The following SHISAL1 variants were observed in gnomAD, a reference collection of about 807,000 sequenced individuals.
SHISAL1 encodes shisa like 1.
SHISAL1 carries 9 observed loss-of-function variants against 22.6 expected under a neutral mutation model. The observed-to-expected ratio is 0.40, with a 90% CI of 0.24 to 0.70. The LOEUF (loss-of-function observed/expected upper bound fraction) is 0.70, where lower values mean the gene tolerates loss of function less well. SHISAL1 is among the 30% of genes least tolerant of loss of function. The probability of loss-of-function intolerance (pLI) is 0.39; values close to 1 mark genes in which losing one functional copy is unlikely to be tolerated. For missense variants in SHISAL1, 246 were observed against 270.6 expected (o/e 0.91, Z 0.64); for synonymous variants, 119 against 115.4 (o/e 1.03, Z -0.20).
intron 1 of SHISAL1, among the ~76,000 whole-genome samples, chr22:44,308,117 TCC>T (rs975692242): frequency 3.3e-5 from 5 of 152,126 alleles, no homozygotes; most frequent in Non-Finnish European, 7.4e-5. Context: ...TGTAACCACA[TCC>T]CATGTGACCT....
intron 4 of SHISAL1, among the ~76,000 whole-genome samples, chr22:44,279,234 T>C: frequency 6.6e-6 from 1 of 152,110 alleles, no homozygotes; most frequent in Non-Finnish European, 1.5e-5. Context: ...GAGCCCCAGC[T>C]GGGAAAAGAC....
At chr22:44,263,022 G>C (rs1382734464) in intron 4 of SHISAL1, among the ~76,000 whole-genome samples, 1 of 151,582 alleles carries the variant, frequency 6.6e-6, no homozygotes, top group Non-Finnish European at 1.5e-5. Flanking sequence ...AGTTGGTGCT[G>C]ACGGTATGCA....
chr22:44,276,487 A>C (rs2055240401), intron 4 of SHISAL1, among the ~76,000 whole-genome samples: 1 of 148,468 alleles, frequency 6.7e-6, no homozygotes, highest in African/African-American at 2.5e-5. Flanking sequence ...GGCTGGTGTC[A>C]GGGAGATATG....
At chr22:44,273,514 G>A (rs2055218853) in intron 4 of SHISAL1, among the ~76,000 whole-genome samples, 1 of 152,222 alleles carries the variant, frequency 6.6e-6, no homozygotes, top group Non-Finnish European at 1.5e-5. Flanking sequence ...TTGCAATAGT[G>A]GCTGTGTTTA....
the SHISAL1 span, among the ~76,000 whole-genome samples, chr22:44,327,276 A>G: frequency 1.5e-5 from 2 of 133,278 alleles, no homozygotes; most frequent in South Asian, 4.8e-4. Flanking sequence ...ACACACACAC[A>G]CACACGTGCG....
chr22:44,292,259 G>T (rs1382854613), intron 3 of SHISAL1, among the ~76,000 whole-genome samples: 2 of 152,204 alleles, frequency 1.3e-5, no homozygotes, highest in Non-Finnish European at 2.9e-5. Flanking sequence ...CCCCTTCCGG[G>T]AGTCACATTG....
At chr22:44,315,234 T>C (rs2055550650), upstream of SHISAL1, among the ~76,000 whole-genome samples, 1 of 152,026 alleles carries the variant, frequency 6.6e-6, no homozygotes. Context: ...GAAAATAGAA[T>C]AGAAAATCAA....
intron 3 of SHISAL1, among the ~76,000 whole-genome samples, chr22:44,294,409 G>A (rs769647373): frequency 3.3e-5 from 5 of 152,258 alleles, no homozygotes; most frequent in South Asian, 2.1e-4. Flanking sequence ...GACAGAGATC[G>A]AGGCTCACAC....
intron 4 of SHISAL1, among the ~76,000 whole-genome samples, chr22:44,265,498 C>T (rs1400058022): frequency 6.6e-6 from 1 of 152,156 alleles, no homozygotes; most frequent in Non-Finnish European, 1.5e-5. Context: ...TAACCAGTCT[C>T]AGCCAATGCT....
chr22:44,261,488 A>G (rs905458303), intron 4 of SHISAL1, among the ~76,000 whole-genome samples: 1 of 152,118 alleles, frequency 6.6e-6, no homozygotes, highest in Non-Finnish European at 1.5e-5. Flanking sequence ...AATGTCAGAC[A>G]AGCCCGGGTT....
At chr22:44,269,665 T>C (rs2055193117) in intron 4 of SHISAL1, among the ~76,000 whole-genome samples, 1 of 145,098 alleles carries the variant, frequency 6.9e-6, no homozygotes, top group Non-Finnish European at 1.5e-5. Context: ...CAATGTCACA[T>C]AGACCCACAC....
At chr22:44,323,508 C>A in the SHISAL1 span, among the ~76,000 whole-genome samples, 4 of 115,394 alleles carry the variant, frequency 3.5e-5, 1 homozygote, top group Admixed American at 3.3e-4. Context: ...ATCCATCAAC[C>A]ATCCATCCAT....
At chr22:44,295,923 C>G (rs1298350991) in intron 3 of SHISAL1, among the ~76,000 whole-genome samples, 5 of 152,204 alleles carry the variant, frequency 3.3e-5, no homozygotes, top group African/African-American at 9.6e-5. Flanking sequence ...CTCCATCAGG[C>G]CCTGATCCCA....
At chr22:44,315,345 G>C (rs1265328934), upstream of SHISAL1, among the ~76,000 whole-genome samples, 1 of 152,158 alleles carries the variant, frequency 6.6e-6, no homozygotes, top group Non-Finnish European at 1.5e-5. Flanking sequence ...ACCCACACAG[G>C]GGCCTGGGTG....
chr22:44,292,886 T>A (rs2147296186), intron 3 of SHISAL1, among the ~76,000 whole-genome samples: 1 of 152,368 alleles, frequency 6.6e-6, no homozygotes, highest in Middle Eastern at 3.4e-3. Context: ...GCCACCCTCA[T>A]GGCTCCTGCT....
intron 1 of SHISAL1, among the ~76,000 whole-genome samples, chr22:44,306,336 C>T (rs1388587771): frequency 9.6e-6 from 1 of 104,706 alleles, no homozygotes; most frequent in South Asian, 3.0e-4. Flanking sequence ...GTGGAGGGTA[C>T]CTGGGCTCGG....
the SHISAL1 span, among the ~76,000 whole-genome samples, chr22:44,326,730 G>T: frequency 6.6e-6 from 1 of 152,130 alleles, no homozygotes; most frequent in African/African-American, 2.4e-5. Flanking sequence ...AGGCTGGGGG[G>T]TATGGGCTGT....
chr22:44,289,495 T>TGTGTGTGTG (rs369474296), intron 3 of SHISAL1, among the ~76,000 whole-genome samples: 8 of 149,730 alleles, frequency 5.3e-5, no homozygotes, highest in Non-Finnish European at 7.4e-5. Flanking sequence ...TGTGTGTGTG[T>TGTGTGTGTG]TTACTGCCGG....
chr22:44,248,446 G>A lies in SHISAL1; in HGVS notation c.*1239C>T, dbSNP rs2055022185. 6.6e-6 allele frequency: 1 copy of A among 152,304 alleles called. No individual in the cohort carries two copies. The highest frequency in any genetic ancestry group is 1.5e-5 in the Non-Finnish European group (1 of 68,102). 9.4% of individuals were successfully genotyped at this position (152,304 alleles called of 1,614,324 possible). ...ATGATTTAGGTGATGCCATCTCATA[G>A]GTGTCCCAGGGCAGCGGGGCAGGAG... On this transcript the variant is annotated 3_prime_UTR_variant, in exon 5 of 5. Transcript: ENST00000381176.
Sources: allele counts gnomAD v4.1 joint callset (sites outside exome capture counted in the v4.1 genomes callset), GRCh38; gene constraint gnomAD v4.1.1; transcripts MANE v1.5; gene names NCBI Gene and HGNC (gene_info 2026-07-23, HGNC 2026-07-21).